Variants in HPD observed in about 807,000 individuals in gnomAD.
The protein encoded by HPD is 4-hydroxyphenylpyruvic acid oxidase.
In HPD, 35 loss-of-function variants were observed where a neutral mutation model predicts 56.9. The observed-to-expected ratio is 0.62, with a 90% confidence interval of 0.47 to 0.82. The LOEUF (loss-of-function observed/expected upper bound fraction) is 0.82, where lower values mean the gene tolerates loss of function less well. HPD is among the 40% of genes least tolerant of loss of function. HPD has a pLI of 0.00. For missense variants in HPD, 442 were observed against 506.8 expected, an observed-to-expected ratio of 0.87 and a Z score of 1.23; for synonymous variants, 186 against 200.2, an observed-to-expected ratio of 0.93 and a Z score of 0.60.
At chr12:121,849,117 C>T in intron 8 of HPD, 41 bp from the exon 9 acceptor site, 2 of 1,297,698 alleles carry the variant, frequency 1.5e-6, no homozygotes, top group Non-Finnish European at 2.2e-6. Flanking sequence ...GTGGCTACCC[C>T]CCAGATTGCT....
chr12:121,845,600 C>CAA (rs368263414), intron 11 of HPD, among the ~76,000 whole-genome samples: 5 of 92,674 alleles, frequency 5.4e-5, no homozygotes, highest in Admixed American at 1.2e-4. Flanking sequence ...GGCTCCGTCT[C>CAA]AAAAAAAAAA....
At chr12:121,842,839 C>T (rs1592915408) in intron 12 of HPD, among the ~76,000 whole-genome samples, 1 of 150,364 alleles carries the variant, frequency 6.7e-6, no homozygotes, top group East Asian at 1.9e-4. Flanking sequence ...CCTCCGCCTC[C>T]CGGGTTCAAG....
At chr12:121,870,683 G>A in the HPD span, among the ~76,000 whole-genome samples, 2 of 143,606 alleles carry the variant, frequency 1.4e-5, no homozygotes, top group Non-Finnish European at 3.0e-5. Context: ...CACAACCTCT[G>A]CCTCCTGGGT....
Position 121,847,267 on chromosome 12 carries a change from T to A in HPD, c.597-53A>T, listed in dbSNP as rs1592917894. 4 of 1,554,458 alleles carry A rather than the reference T, an allele frequency of 2.6e-6. No individual in the cohort carries two copies. The East Asian group carries it at 9.0e-5, about 35-fold the overall frequency. Reference sequence around the variant, plus strand: ...GCTCTGAGCGCCTCCAGGGACGGCCTCCATCACCCATTTCCACCTTCCAGA... The same window carrying A: ...GCTCTGAGCGCCTCCAGGGACGGCCACCATCACCCATTTCCACCTTCCAGA... On this transcript the variant is annotated intron_variant, in intron 9 of 13. Coordinates refer to ENST00000289004, the MANE Select transcript of HPD (RefSeq NM_002150.3).
chr12:121,843,643 T>G, intron 12 of HPD, 67 bp downstream of exon 12: 1 of 1,596,242 alleles, frequency 6.3e-7, no homozygotes, highest in Non-Finnish European at 8.6e-7. Flanking sequence ...GAGACAATAT[T>G]TCTGAAAAGA....
At position 121,843,955 on chromosome 12, in the gene HPD, C is replaced by T; in HGVS notation, c.832-123G>A. On this transcript the variant is annotated intron_variant, in intron 11 of 13. Coordinates refer to ENST00000289004, the MANE Select transcript of HPD (RefSeq NM_002150.3). ...CTAGCTCCCCTCAACTGCCAGGATGCTGTGTGGCCTCTTCCCCTTTCTTCT... is the reference window on the plus strand; with the variant it reads ...CTAGCTCCCCTCAACTGCCAGGATGTTGTGTGGCCTCTTCCCCTTTCTTCT... The T allele has an allele frequency of 2.8e-6, 3 of 1,070,296 alleles. No homozygotes were observed. In the South Asian group the frequency reaches 3.9e-5, roughly 14 times the overall value. The allele number at this position is 1,070,296 out of a possible 1,614,324, so 66.3% of individuals were successfully genotyped here.
chr12:121,876,798 C>T, the HPD span, among the ~76,000 whole-genome samples: 2 of 151,964 alleles, frequency 1.3e-5, no homozygotes, highest in Non-Finnish European at 2.9e-5. Flanking sequence ...TTAGGAAGAA[C>T]TGTGGCAGGG....
Position 121,841,401 on chromosome 12 carries a change from T to C in HPD, c.955-1353A>G, listed in dbSNP as rs981249828. On this transcript the variant is annotated intron_variant, in intron 12 of 13. Transcript: ENST00000289004. ...AACAAAAGGGAACATGGAATTACCA[T>C]GTGACCTAGCTACTCCTAGATATAT... Among the ~76,000 whole-genome samples, 6 of 152,108 alleles carry C rather than the reference T, an allele frequency of 3.9e-5. No homozygotes were observed. In the East Asian group the frequency reaches 7.7e-4, roughly 20 times the overall value.
At chr12:121,841,853 T>A (rs1478467650) in intron 12 of HPD, among the ~76,000 whole-genome samples, 1 of 151,900 alleles carries the variant, frequency 6.6e-6, no homozygotes, top group African/African-American at 2.4e-5. Context: ...CCCAGCTAAT[T>A]TTTGTATTTT....
chr12:121,866,023 C>T (rs1195219174), upstream of HPD, among the ~76,000 whole-genome samples: 7 of 149,310 alleles, frequency 4.7e-5, no homozygotes, highest in East Asian at 2.0e-4. Context: ...AAAGGTGGGG[C>T]GCCGTGGCTC....
At chr12:121,854,671 C>A in intron 7 of HPD, 32 bp downstream of exon 7, 1 of 1,491,436 alleles carries the variant, frequency 6.7e-7, no homozygotes, top group Non-Finnish European at 9.4e-7. Context: ...GTGCCGACAG[C>A]AGGAGGGGTG....
At chr12:121,855,066 A>G (rs1257237032) in intron 6 of HPD, among the ~76,000 whole-genome samples, 1 of 152,168 alleles carries the variant, frequency 6.6e-6, no homozygotes. Flanking sequence ...TCCCCCTGTG[A>G]TCAGTCCCCT....
At chr12:121,879,753 C>A in the HPD span, among the ~76,000 whole-genome samples, 50,942 of 152,050 alleles carry the variant, frequency 0.34, 8,896 homozygotes, top group Middle Eastern at 0.41. Context: ...TGATTTGATA[C>A]TTATGCTAAT....
intron 2 of HPD, 71 bp from the exon 3 acceptor site, chr12:121,857,890 T>TG: frequency 1.7e-6 from 2 of 1,152,008 alleles, no homozygotes; most frequent in Non-Finnish European, 2.6e-6. Context: ...TGGAGTGATG[T>TG]CCCCTAGCCA....
the HPD span, among the ~76,000 whole-genome samples, chr12:121,876,995 G>A: frequency 6.6e-6 from 1 of 151,634 alleles, no homozygotes; most frequent in Non-Finnish European, 1.5e-5. Flanking sequence ...AAGGGAGGCT[G>A]AGGCAGGAGA....
chr12:121,856,233 T>G, intron 6 of HPD, 91 bp downstream of exon 6: 1 of 956,226 alleles, frequency 1.0e-6, no homozygotes, highest in Admixed American at 1.7e-5. Flanking sequence ...CTTGTCACTG[T>G]GATGCAGCAG....
upstream of HPD, chr12:121,858,920 C>A: frequency 1.4e-6 from 2 of 1,454,700 alleles, no homozygotes; most frequent in Non-Finnish European, 1.9e-6. Context: ...GGCCTCCTGG[C>A]CTACCTGGGG....
chr12:121,840,457 T>C (rs1457512488), intron 12 of HPD, among the ~76,000 whole-genome samples: 6 of 152,110 alleles, frequency 3.9e-5, no homozygotes, highest in Non-Finnish European at 7.4e-5. Context: ...CAGGCTACCA[T>C]GCCCGGCTAA....
upstream of HPD, among the ~76,000 whole-genome samples, chr12:121,866,648 C>CACAT: frequency 6.6e-6 from 1 of 151,708 alleles, no homozygotes; most frequent in Non-Finnish European, 1.5e-5. Context: ...ATCTAGTTGG[C>CACAT]CTTTCTGGTT....
Sources: allele counts gnomAD v4.1 joint callset (sites outside exome capture counted in the v4.1 genomes callset), GRCh38; gene constraint gnomAD v4.1.1; transcripts MANE v1.5; gene names NCBI Gene and HGNC (gene_info 2026-07-23, HGNC 2026-07-21).